The following HS6ST3 variants were observed in gnomAD, a reference collection of about 807,000 sequenced individuals.
HS6ST3 encodes the protein heparan-sulfate 6-O-sulfotransferase 3.
Under a neutral mutation model 36.7 loss-of-function variants are expected in HS6ST3, and 12 were observed. The observed-to-expected ratio is 0.33, with a 90% confidence interval of 0.21 to 0.53. HS6ST3 has a LOEUF of 0.53. Among genes scored for constraint, HS6ST3 ranks in the 20% least tolerant of loss-of-function variants. HS6ST3 has a pLI of 0.95. For synonymous variants in HS6ST3, 240 were observed against 257.5 expected (o/e 0.93, Z 0.65); for missense variants, 584 against 640.9 (o/e 0.91, Z 0.96).
chr13:96,619,511 CA>C (rs1298057416), intron 1 of HS6ST3, among the ~76,000 whole-genome samples: 1 of 152,114 alleles, frequency 6.6e-6, no homozygotes, highest in African/African-American at 2.4e-5. Context: ...CCATAGTAAC[CA>C]AATTTTAATA....
intron 1 of HS6ST3, among the ~76,000 whole-genome samples, chr13:96,368,947 A>T (rs1219088035): frequency 1.3e-5 from 2 of 152,122 alleles, no homozygotes; most frequent in Non-Finnish European, 2.9e-5. Flanking sequence ...GTTTGTCCCC[A>T]GGAAACATTT....
At chr13:96,711,793 T>C (rs1875568543) in intron 1 of HS6ST3, among the ~76,000 whole-genome samples, 1 of 152,248 alleles carries the variant, frequency 6.6e-6, no homozygotes, top group South Asian at 2.1e-4. Context: ...GTACATTTTG[T>C]GTCACACTCT....
At chr13:96,146,057 G>C (rs184659329) in intron 1 of HS6ST3, among the ~76,000 whole-genome samples, 2 of 152,206 alleles carry the variant, frequency 1.3e-5, no homozygotes, top group East Asian at 1.9e-4. Context: ...ATTGCTGTAG[G>C]CTTGTAGTAT....
chr13:96,648,406 C>G (rs2056596120), intron 1 of HS6ST3, among the ~76,000 whole-genome samples: 1 of 151,916 alleles, frequency 6.6e-6, no homozygotes, highest in Admixed American at 6.6e-5. Context: ...TCTGCCAGAT[C>G]TATACCTACT....
intron 1 of HS6ST3, among the ~76,000 whole-genome samples, chr13:96,412,036 C>T (rs1331949271): frequency 2.0e-5 from 3 of 151,834 alleles, no homozygotes; most frequent in Admixed American, 1.3e-4. Context: ...GACGGATTCT[C>T]GCTCTGTAGC....
chr13:96,216,617 G>C (rs1051371802), intron 1 of HS6ST3, among the ~76,000 whole-genome samples: 1 of 152,102 alleles, frequency 6.6e-6, no homozygotes, highest in East Asian at 1.9e-4. Context: ...TCATTCTTTG[G>C]CTAAGAATTG....
At chr13:96,826,389 TGTA>T (rs1878647874) in intron 1 of HS6ST3, among the ~76,000 whole-genome samples, 1 of 152,212 alleles carries the variant, frequency 6.6e-6, no homozygotes, top group Non-Finnish European at 1.5e-5. Flanking sequence ...ACTTATTTCA[TGTA>T]GTGATAATGT....
intron 1 of HS6ST3, among the ~76,000 whole-genome samples, chr13:96,394,629 T>G (rs147972284): frequency 5.4e-4 from 83 of 152,328 alleles, no homozygotes; most frequent in South Asian, 4.6e-3. Context: ...ATAATCCTCA[T>G]TGTGCAGAAC....
At chr13:96,414,688 G>A (rs2055524369) in intron 1 of HS6ST3, among the ~76,000 whole-genome samples, 2 of 152,116 alleles carry the variant, frequency 1.3e-5, no homozygotes, top group Non-Finnish European at 2.9e-5. Context: ...TACCATGTTG[G>A]CCAGGCTGGT....
intron 1 of HS6ST3, among the ~76,000 whole-genome samples, chr13:96,332,688 C>T (rs1205626567): frequency 6.6e-6 from 1 of 152,150 alleles, no homozygotes; most frequent in Non-Finnish European, 1.5e-5. Context: ...GAAGGGATTG[C>T]AACGAAACAA....
intron 1 of HS6ST3, among the ~76,000 whole-genome samples, chr13:96,696,894 C>T (rs749471655): frequency 2.6e-5 from 4 of 152,054 alleles, no homozygotes; most frequent in Non-Finnish European, 5.9e-5. Flanking sequence ...ATGTAGTCCA[C>T]ACGTACAGAC....
chr13:96,239,417 A>G (rs1283424820), intron 1 of HS6ST3, among the ~76,000 whole-genome samples: 2 of 152,230 alleles, frequency 1.3e-5, no homozygotes, highest in Non-Finnish European at 2.9e-5. Context: ...CAGTTGCCTT[A>G]TCACATTGCA....
intron 1 of HS6ST3, among the ~76,000 whole-genome samples, chr13:96,824,492 A>T (rs780608856): frequency 1.3e-5 from 2 of 152,184 alleles, no homozygotes; most frequent in Admixed American, 1.3e-4. Context: ...GCCTTTTCGT[A>T]GCTGTGTCAA....
intron 1 of HS6ST3, among the ~76,000 whole-genome samples, chr13:96,212,881 C>T (rs190624027): frequency 1.3e-5 from 2 of 152,246 alleles, no homozygotes; most frequent in East Asian, 1.9e-4. Context: ...ATTTTTCATT[C>T]CTAGTGACTA....
intron 1 of HS6ST3, among the ~76,000 whole-genome samples, chr13:96,648,819 A>G (rs1263663896): frequency 2.0e-5 from 3 of 152,084 alleles, no homozygotes; most frequent in Non-Finnish European, 4.4e-5. Flanking sequence ...TGTCCCTGCA[A>G]AGGACATAAT....
intron 1 of HS6ST3, among the ~76,000 whole-genome samples, chr13:96,213,576 G>T (rs1247708862): frequency 6.6e-6 from 1 of 151,374 alleles, no homozygotes; most frequent in East Asian, 1.9e-4. Context: ...GCCCAGGCTG[G>T]AGTGCAGTGG....
chr13:96,812,919 A>C (rs561773642), intron 1 of HS6ST3, among the ~76,000 whole-genome samples: 1 of 152,134 alleles, frequency 6.6e-6, no homozygotes, highest in African/African-American at 2.4e-5. Context: ...AGCCTGGGGA[A>C]GTCTGTTGTA....
chr13:96,191,258 T>C (rs2054287146), intron 1 of HS6ST3, among the ~76,000 whole-genome samples: 1 of 152,188 alleles, frequency 6.6e-6, no homozygotes, highest in African/African-American at 2.4e-5. Context: ...ACTGCCAGAA[T>C]GACCTTTCTA....
intron 1 of HS6ST3, among the ~76,000 whole-genome samples, chr13:96,676,139 A>C (rs1027805297): frequency 2.6e-5 from 4 of 152,184 alleles, no homozygotes; most frequent in Non-Finnish European, 4.4e-5. Context: ...TGGCTTAAGC[A>C]ACAGAAAATC....
Sources: gnomAD v4.1 joint callset for allele counts (sites outside exome capture counted in the v4.1 genomes callset) on GRCh38, gnomAD v4.1.1 for gene constraint, MANE v1.5 for transcripts, NCBI Gene and HGNC (gene_info 2026-07-23, HGNC 2026-07-21) for gene names.